The following HERC4 variants were observed in gnomAD, a reference collection of about 807,000 sequenced individuals.
The protein encoded by HERC4 is probable E3 ubiquitin-protein ligase HERC4.
HERC4 carries 28 observed loss-of-function variants against 124.3 expected under a neutral mutation model. The ratio of observed to expected loss-of-function variants is 0.23; its 90% confidence interval spans 0.17 to 0.31. The LOEUF (loss-of-function observed/expected upper bound fraction) is 0.31, where lower values mean the gene tolerates loss of function less well. HERC4 is among the 10% of genes least tolerant of loss of function. The pLI, the probability that HERC4 is intolerant of heterozygous loss-of-function variation, is 1.00. For missense variants in HERC4, 713 were observed against 1,229.3 expected (o/e 0.58, Z 6.28); for synonymous variants, 407 against 421.5 (o/e 0.97, Z 0.42).
intron 3 of HERC4, among the ~76,000 whole-genome samples, chr10:68,047,838 T>A (rs2040092249): frequency 6.6e-6 from 1 of 152,114 alleles, no homozygotes; most frequent in Admixed American, 6.5e-5. Flanking sequence ...CTTACAAAAG[T>A]AAATCTACTC....
intron 19 of HERC4, chr10:67,954,179 G>A (rs1439935123): frequency 6.5e-6 from 1 of 153,220 alleles, no homozygotes; most frequent in African/African-American, 2.4e-5. Flanking sequence ...AGGTAAAAGA[G>A]TGGGTGTGAC....
At chr10:68,022,901 A>G (rs1363701982) in intron 8 of HERC4, among the ~76,000 whole-genome samples, 2 of 152,178 alleles carry the variant, frequency 1.3e-5, no homozygotes, top group African/African-American at 4.8e-5. Context: ...AAGATGTACA[A>G]ATGGTCAACA....
intron 15 of HERC4, among the ~76,000 whole-genome samples, chr10:67,969,227 A>G (rs529309749): frequency 3.9e-5 from 6 of 152,350 alleles, no homozygotes; most frequent in African/African-American, 1.4e-4. Context: ...GGATCAACAA[A>G]TCCTTACAAA....
At chr10:67,986,703 G>C (rs1336704067) in intron 15 of HERC4, among the ~76,000 whole-genome samples, 3 of 152,114 alleles carry the variant, frequency 2.0e-5, no homozygotes, top group Admixed American at 2.0e-4. Flanking sequence ...AACTATCAGG[G>C]CTGGTATTTC....
At chr10:67,940,037 TCTC>T (rs2032740487) in intron 20 of HERC4, among the ~76,000 whole-genome samples, 1 of 151,848 alleles carries the variant, frequency 6.6e-6, no homozygotes, top group South Asian at 2.1e-4. Context: ...TAAAAGCAAT[TCTC>T]CTGCCTCAGC....
intron 15 of HERC4, among the ~76,000 whole-genome samples, chr10:67,983,060 G>A (rs80220606): frequency 0.014 from 2,108 of 150,362 alleles, 51 homozygotes; most frequent in African/African-American, 0.049. Context: ...CCCAGGAAGC[G>A]GAGGTTGCAC....
chr10:67,996,943 G>A (rs1180603515), intron 9 of HERC4, among the ~76,000 whole-genome samples: 5 of 151,670 alleles, frequency 3.3e-5, no homozygotes, highest in Non-Finnish European at 7.4e-5. Flanking sequence ...AGCTGAGACC[G>A]CTCCACTACA....
Position 67,992,180 on chromosome 10 carries a change from C to T in HERC4, c.1271+19G>A, listed in dbSNP as rs1333677387. 6.2e-7 allele frequency: 1 copy of T among 1,611,090 alleles called. No individual in the cohort carries two copies. Among genetic ancestry groups the T allele is most frequent in the East Asian group, 2.2e-5 (1 of 44,800 alleles). On this transcript the variant is annotated intron_variant, in intron 11 of 24. Coordinates refer to ENST00000373700, the MANE Select transcript of HERC4 (RefSeq NM_015601.4). ...TACAGGCATGAGCCACTGTGCCTGG[C>T]CCAAAATGCTTTTCTTACTTGGCTA...
At chr10:68,052,567 T>TA (rs1348488699) in intron 3 of HERC4, among the ~76,000 whole-genome samples, 6 of 152,192 alleles carry the variant, frequency 3.9e-5, no homozygotes, top group African/African-American at 1.4e-4. Context: ...ACATACAGGA[T>TA]AGACAAGTCC....
chr10:67,976,142 C>A (rs2035576404), intron 15 of HERC4, among the ~76,000 whole-genome samples: 1 of 151,880 alleles, frequency 6.6e-6, no homozygotes, highest in African/African-American at 2.4e-5. Flanking sequence ...GTATGGCTCA[C>A]AAAGCATAAA....
rs772576805 is a variant in HERC4, at chr10:68,006,375, GTTTTT to G, written c.1069+7646_1069+7650del. Among the ~76,000 whole-genome samples the G allele has an allele frequency of 6.6e-4, 88 of 134,032 alleles. No homozygotes were observed. The East Asian group carries it at 0.016, about 24-fold the overall frequency. 87.9% of individuals were successfully genotyped at this position (134,032 alleles called of 152,430 possible). On this transcript the variant is annotated intron_variant, in intron 9 of 24. Transcript: ENST00000373700. ...CCTCAGCGTTTTTGTTTTTGTTTTT[GTTTTT>G]TTTTTTTTTTTGAGACAGTTTCCTC... is the stretch of plus-strand genomic sequence containing the variant.
chr10:68,010,885 A>T, intron 9 of HERC4: 1 of 1,459,414 alleles, frequency 6.9e-7, no homozygotes, highest in East Asian at 2.3e-5. Context: ...GGACTGGATG[A>T]AGGGTATTTT....
intron 5 of HERC4, among the ~76,000 whole-genome samples, chr10:68,035,912 T>C (rs751628363): frequency 2.6e-5 from 4 of 152,188 alleles, no homozygotes; most frequent in Non-Finnish European, 5.9e-5. Flanking sequence ...GCCCTTATCA[T>C]AGTATGTAAT....
rs1327837836 is a variant in HERC4 at position 67,921,999 on chromosome 10, A to G, written c.*932T>C. 1 of 152,224 alleles carries G rather than the reference A, an allele frequency of 6.6e-6. No homozygotes were observed. Among genetic ancestry groups the G allele is most frequent in the Non-Finnish European group, 1.5e-5 (1 of 68,032 alleles). The allele number at this position is 152,224 out of a possible 1,614,324, so 9.4% of individuals were successfully genotyped here. ...AATATTTGCATTATAGCAGAAAGTC[A>G]CATGTATTGCATCAACTCACTTTTA... On this transcript the variant is annotated 3_prime_UTR_variant, in exon 25 of 25. Transcript: ENST00000373700.
At chr10:67,989,877 T>C (rs2036459227) in intron 14 of HERC4, among the ~76,000 whole-genome samples, 1 of 151,812 alleles carries the variant, frequency 6.6e-6, no homozygotes, top group African/African-American at 2.4e-5. Flanking sequence ...GTTTGTTCAG[T>C]TTTAATTGTT....
intron 9 of HERC4, among the ~76,000 whole-genome samples, chr10:67,998,264 C>A (rs2037011634): frequency 6.6e-6 from 1 of 151,314 alleles, no homozygotes; most frequent in Non-Finnish European, 1.5e-5. Context: ...AAAAATCATA[C>A]AGGCCAGGCA....
chr10:68,061,879 TAAAAAAA>T (rs71470503), intron 3 of HERC4, among the ~76,000 whole-genome samples: 6,172 of 54,800 alleles, frequency 0.11, 257 homozygotes, highest in Non-Finnish European at 0.14. Flanking sequence ...AGACTCCATT[TAAAAAAA>T]AAAAAAAAAA....
intron 8 of HERC4, among the ~76,000 whole-genome samples, chr10:68,018,517 A>T (rs1055288350): frequency 6.6e-6 from 1 of 152,158 alleles, no homozygotes; most frequent in Non-Finnish European, 1.5e-5. Flanking sequence ...AAACAATTAT[A>T]TAAACACGTT....
chr10:67,967,004 G>A (rs555280306), intron 15 of HERC4, among the ~76,000 whole-genome samples: 1 of 152,154 alleles, frequency 6.6e-6, no homozygotes, highest in Non-Finnish European at 1.5e-5. Flanking sequence ...ACAAGCACCC[G>A]CCATCATGAC....
Sources: gnomAD v4.1 joint callset for allele counts (sites outside exome capture counted in the v4.1 genomes callset) on GRCh38, gnomAD v4.1.1 for gene constraint, MANE v1.5 for transcripts, NCBI Gene and HGNC (gene_info 2026-07-23, HGNC 2026-07-21) for gene names.